The following ZPBP variants were observed in gnomAD, a reference collection of about 807,000 sequenced individuals.
ZPBP encodes zona pellucida-binding protein 1.
Under a neutral mutation model 44.8 loss-of-function variants are expected in ZPBP, and 26 were observed. The ratio of observed to expected loss-of-function variants is 0.58; its 90% CI spans 0.43 to 0.81. The LOEUF (loss-of-function observed/expected upper bound fraction) is 0.81, where lower values mean the gene tolerates loss of function less well. Ranked by LOEUF, ZPBP falls within the 30% of genes least tolerant of loss-of-function variation. ZPBP has a pLI of 0.00. For missense variants in ZPBP, 409 were observed against 434.0 expected (o/e 0.94, Z 0.51); for synonymous variants, 174 against 153.2 (o/e 1.14, Z -1.00).
At chr7:50,025,087 T>C (rs1203548156) in intron 5 of ZPBP, among the ~76,000 whole-genome samples, 2 of 151,778 alleles carry the variant, frequency 1.3e-5, no homozygotes, top group Non-Finnish European at 3.0e-5. Context: ...TAACAAAATA[T>C]GTGCAATATC....
At position 50,041,713 on chromosome 7, in the gene ZPBP, G is replaced by A. The variant is rs146400475; in HGVS notation, c.488-10403C>T. On this transcript the variant is annotated intron_variant, in intron 4 of 7. Coordinates refer to ENST00000046087, the MANE Select transcript of ZPBP (RefSeq NM_007009.3). ...CAAAGGTAGATAAATTGATGAAGTTGAGGAAAACCAGTGCAAAAAGGCTGA... is the reference window on the plus strand; with the variant it reads ...CAAAGGTAGATAAATTGATGAAGTTAAGGAAAACCAGTGCAAAAAGGCTGA... 1.3e-3 allele frequency among the ~76,000 whole-genome samples: 194 copies of A among 152,300 alleles called. 1 individual carries two copies. Among genetic ancestry groups the A allele is most frequent in the Non-Finnish European group, 2.3e-3 (159 of 68,028 alleles).
intron 2 of ZPBP, among the ~76,000 whole-genome samples, chr7:49,857,592 C>T (rs188715514): frequency 2.6e-5 from 4 of 152,088 alleles, no homozygotes. Flanking sequence ...ATTAAAACCT[C>T]CGTGAGACAT....
intron 1 of ZPBP, among the ~76,000 whole-genome samples, chr7:49,928,240 G>A (rs1219659852): frequency 6.6e-6 from 1 of 152,180 alleles, no homozygotes; most frequent in Admixed American, 6.5e-5. Flanking sequence ...TATTTGCTGA[G>A]TTTCTCATTA....
intron 2 of ZPBP, among the ~76,000 whole-genome samples, chr7:49,884,868 T>A (rs1474505533): frequency 6.6e-6 from 1 of 151,924 alleles, no homozygotes; most frequent in African/African-American, 2.4e-5. Context: ...AGAAAAATAA[T>A]ACATGAGAAA....
intron 5 of ZPBP, among the ~76,000 whole-genome samples, chr7:50,027,140 G>A (rs1374913324): frequency 1.7e-5 from 1 of 59,460 alleles, no homozygotes; most frequent in Non-Finnish European, 3.9e-5. Flanking sequence ...TTGTTAATAT[G>A]GACCCTTCCC....
rs1801275018 is a variant in ZPBP at position 50,062,145 on chromosome 7, T to A, written c.335-4004A>T. On this transcript the variant is annotated intron_variant, in intron 3 of 7. Transcript: ENST00000046087. ...AGGTGAACGATCTCTACTATGAGAA[T>A]TACAAAGTACTGCTTAAAGAAATCA... Among the ~76,000 whole-genome samples, 4 of 152,228 alleles carry A rather than the reference T, an allele frequency of 2.6e-5. 1 individual carries two copies. The South Asian group carries it at 8.3e-4, about 32-fold the overall frequency.
intron 4 of ZPBP, among the ~76,000 whole-genome samples, chr7:50,043,446 GAC>G (rs1176319389): frequency 1.3e-5 from 2 of 152,120 alleles, no homozygotes; most frequent in Non-Finnish European, 2.9e-5. Context: ...CACATGCAAA[GAC>G]ACACATAGGC....
At chr7:49,851,749 T>C (rs1258399323) in intron 2 of ZPBP, among the ~76,000 whole-genome samples, 1 of 152,054 alleles carries the variant, frequency 6.6e-6, no homozygotes, top group African/African-American at 2.4e-5. Flanking sequence ...TCCCAGCTAC[T>C]TGGGAGGCTG....
At chr7:49,990,752 C>T (rs1362740939) in intron 6 of ZPBP, among the ~76,000 whole-genome samples, 1 of 152,078 alleles carries the variant, frequency 6.6e-6, no homozygotes, top group Admixed American at 6.5e-5. Context: ...ATTTTAATTA[C>T]TACAATCTGT....
At chr7:49,844,052 G>A in the ZPBP span, among the ~76,000 whole-genome samples, 1 of 152,218 alleles carries the variant, frequency 6.6e-6, no homozygotes, top group South Asian at 2.1e-4. Flanking sequence ...ATGAAGGTTG[G>A]CAGCACAGGA....
At chr7:50,057,172 G>A (rs1036293016) in intron 4 of ZPBP, among the ~76,000 whole-genome samples, 6 of 145,632 alleles carry the variant, frequency 4.1e-5, no homozygotes, top group Non-Finnish European at 7.5e-5. Context: ...AGGTGACAGA[G>A]TGAGACTCCA....
At chr7:49,899,760 A>G (rs1344207976) in intron 2 of ZPBP, among the ~76,000 whole-genome samples, 1 of 151,952 alleles carries the variant, frequency 6.6e-6, no homozygotes, top group East Asian at 1.9e-4. Context: ...AAATGTATAG[A>G]TTCGGGAAGC....
intron 6 of ZPBP, among the ~76,000 whole-genome samples, chr7:49,999,247 T>C (rs1238697506): frequency 3.2e-5 from 4 of 126,698 alleles, no homozygotes; most frequent in African/African-American, 6.6e-5. Flanking sequence ...TGTGTCTGTA[T>C]ATATATTTTT....
At chr7:49,922,791 C>G (rs917849600) in intron 1 of ZPBP, among the ~76,000 whole-genome samples, 3 of 152,118 alleles carry the variant, frequency 2.0e-5, no homozygotes, top group African/African-American at 7.2e-5. Context: ...TGAGGCTACA[C>G]AAATACAATG....
chr7:49,908,043 G>A (rs1793202001), intron 1 of ZPBP, among the ~76,000 whole-genome samples: 1 of 152,140 alleles, frequency 6.6e-6, no homozygotes, highest in Non-Finnish European at 1.5e-5. Flanking sequence ...GCCTTGCAGG[G>A]CCATTTCAAA....
At chr7:50,083,422 T>A (rs775732191) in intron 2 of ZPBP, among the ~76,000 whole-genome samples, 1 of 151,936 alleles carries the variant, frequency 6.6e-6, no homozygotes, top group African/African-American at 2.4e-5. Context: ...ACTTTAAAGA[T>A]GTCAATTTAT....
intron 2 of ZPBP, among the ~76,000 whole-genome samples, chr7:49,874,816 T>C (rs1791328230): frequency 6.6e-6 from 1 of 152,050 alleles, no homozygotes; most frequent in Non-Finnish European, 1.5e-5. Context: ...CTTTTCCTAC[T>C]TCAGTAAAGA....
At chr7:49,846,473 T>C (rs1190803652), downstream of ZPBP, among the ~76,000 whole-genome samples, 1 of 152,208 alleles carries the variant, frequency 6.6e-6, no homozygotes, top group Non-Finnish European at 1.5e-5. Flanking sequence ...CGTCTTTGCA[T>C]ATGCCTTTTT....
At chr7:50,009,882 C>T (rs1798492292) in intron 6 of ZPBP, among the ~76,000 whole-genome samples, 1 of 151,938 alleles carries the variant, frequency 6.6e-6, no homozygotes, top group African/African-American at 2.4e-5. Flanking sequence ...ACATAACGTT[C>T]TTCAAAATAA....
Sources: allele counts gnomAD v4.1 joint callset (sites outside exome capture counted in the v4.1 genomes callset), GRCh38; gene constraint gnomAD v4.1.1; transcripts MANE v1.5; gene names NCBI Gene and HGNC (gene_info 2026-07-23, HGNC 2026-07-21).